Variants in COP1 observed in about 807,000 individuals in gnomAD.
COP1 encodes the protein COP1 E3 ubiquitin ligase.
In COP1, 24 loss-of-function variants were observed where a neutral mutation model predicts 101.3. The ratio of observed to expected loss-of-function variants is 0.24; its 90% CI spans 0.17 to 0.33. The LOEUF is 0.33. Ranked by LOEUF, COP1 falls within the 10% of genes least tolerant of loss-of-function variation. The pLI is 1.00. For synonymous variants in COP1, 347 were observed against 341.9 expected, an observed-to-expected ratio of 1.01 and a Z score of -0.17; for missense variants, 663 against 906.2, an observed-to-expected ratio of 0.73 and a Z score of 3.45.
chr1:176,110,168 C>A (rs1029623265), intron 9 of COP1, among the ~76,000 whole-genome samples: 3 of 152,064 alleles, frequency 2.0e-5, no homozygotes, highest in Non-Finnish European at 4.4e-5. Flanking sequence ...ACCAATTTTT[C>A]GAAATTCTCC....
At chr1:176,141,691 G>A (rs144690923) in intron 6 of COP1, among the ~76,000 whole-genome samples, 152 of 150,952 alleles carry the variant, frequency 1.0e-3, no homozygotes, top group Admixed American at 1.9e-3. Flanking sequence ...TGGCAGACCT[G>A]ATTAAAAGAC....
At chr1:176,099,505 G>GTCTCTCTCTCTCTC (rs145354415) in intron 9 of COP1, among the ~76,000 whole-genome samples, 105 of 143,900 alleles carry the variant, frequency 7.3e-4, no homozygotes, top group African/African-American at 2.4e-3. Context: ...GAGCATATTT[G>GTCTCTCTCTCTCTC]TCTCTCTCTC....
chr1:176,105,772 T>C (rs1684202425), intron 9 of COP1, among the ~76,000 whole-genome samples: 1 of 152,226 alleles, frequency 6.6e-6, no homozygotes, highest in African/African-American at 2.4e-5. Flanking sequence ...CAGCATTGTT[T>C]AGTAATAATA....
At chr1:176,124,077 T>C (rs992507469) in intron 8 of COP1, among the ~76,000 whole-genome samples, 14 of 152,306 alleles carry the variant, frequency 9.2e-5, no homozygotes, top group African/African-American at 3.4e-4. Flanking sequence ...ACTTTTATCA[T>C]CATCATCAAG....
chr1:176,181,169 A>C (rs764902033), intron 2 of COP1, among the ~76,000 whole-genome samples: 1 of 152,186 alleles, frequency 6.6e-6, no homozygotes, highest in Non-Finnish European at 1.5e-5. Flanking sequence ...AGTTCCTGCT[A>C]TATTGTCTCC....
intron 15 of COP1, among the ~76,000 whole-genome samples, chr1:176,010,390 T>G (rs927706070): frequency 3.3e-5 from 5 of 152,240 alleles, no homozygotes; most frequent in Non-Finnish European, 7.3e-5. Flanking sequence ...GAATATTTAT[T>G]AAGTTTTTAC....
intron 15 of COP1, among the ~76,000 whole-genome samples, chr1:176,005,446 G>A (rs1210610680): frequency 6.6e-6 from 1 of 151,816 alleles, no homozygotes; most frequent in East Asian, 1.9e-4. Context: ...GTGATGTTAG[G>A]GTGTCAATTT....
intron 1 of COP1, among the ~76,000 whole-genome samples, chr1:176,192,991 C>T (rs1009482187): frequency 6.6e-6 from 1 of 152,198 alleles, no homozygotes; most frequent in Non-Finnish European, 1.5e-5. Flanking sequence ...AACCTAAACA[C>T]TGTATATTGC....
At chr1:176,198,095 TA>T (rs1433206005) in intron 1 of COP1, among the ~76,000 whole-genome samples, 1 of 152,134 alleles carries the variant, frequency 6.6e-6, no homozygotes, top group Non-Finnish European at 1.5e-5. Flanking sequence ...AGATTCAAAG[TA>T]ACCAACATTA....
chr1:176,197,346 C>G (rs1354602289), intron 1 of COP1, among the ~76,000 whole-genome samples: 1 of 152,090 alleles, frequency 6.6e-6, no homozygotes, highest in Non-Finnish European at 1.5e-5. Context: ...CCCAGAAGTT[C>G]GAGGATGCAG....
chr1:176,141,137 T>G (rs1690608720), intron 6 of COP1, among the ~76,000 whole-genome samples: 1 of 152,194 alleles, frequency 6.6e-6, no homozygotes, highest in African/African-American at 2.4e-5. Flanking sequence ...TTTGAATACA[T>G]TACATATAAT....
intron 3 of COP1, among the ~76,000 whole-genome samples, chr1:176,174,975 T>C (rs1351071456): frequency 6.6e-6 from 1 of 152,232 alleles, no homozygotes; most frequent in Non-Finnish European, 1.5e-5. Context: ...AGTTATTATT[T>C]CCGATCATTT....
intron 18 of COP1, among the ~76,000 whole-genome samples, chr1:175,960,331 A>G (rs1651185443): frequency 6.6e-6 from 1 of 152,208 alleles, no homozygotes; most frequent in South Asian, 2.1e-4. Flanking sequence ...CAGTCTCCAT[A>G]ACTATAAAAC....
intron 3 of COP1, among the ~76,000 whole-genome samples, chr1:176,165,281 C>T (rs2149967707): frequency 6.6e-6 from 1 of 150,970 alleles, no homozygotes; most frequent in African/African-American, 2.4e-5. Context: ...AGAAATGGGC[C>T]ATAATAGGCA....
chr1:176,041,651 C>G (rs77462811), intron 14 of COP1, among the ~76,000 whole-genome samples: 3 of 152,076 alleles, frequency 2.0e-5, no homozygotes, highest in East Asian at 1.9e-4. Context: ...CCACGCCCGG[C>G]CCCTGCTTGG....
At chr1:176,114,337 A>G (rs1348737251) in intron 9 of COP1, among the ~76,000 whole-genome samples, 1 of 152,188 alleles carries the variant, frequency 6.6e-6, no homozygotes, top group African/African-American at 2.4e-5. Context: ...ATTGTACATG[A>G]ATATAATACA....
intron 11 of COP1, among the ~76,000 whole-genome samples, chr1:176,056,663 T>C (rs1453756102): frequency 6.6e-6 from 1 of 152,198 alleles, no homozygotes; most frequent in Non-Finnish European, 1.5e-5. Context: ...TATAAAAATA[T>C]TTTCTTATTG....
intron 9 of COP1, among the ~76,000 whole-genome samples, chr1:176,088,110 G>A (rs1340732982): frequency 2.6e-5 from 4 of 152,198 alleles, no homozygotes; most frequent in Admixed American, 2.0e-4. Flanking sequence ...GTCATGGGGT[G>A]GGGGGATGGG....
At chr1:176,202,932 C>A (rs1700417760) in intron 1 of COP1, among the ~76,000 whole-genome samples, 16 of 152,136 alleles carry the variant, frequency 1.1e-4, no homozygotes, top group Admixed American at 8.5e-4. Flanking sequence ...TCATGAGCTC[C>A]TTAAGAAGAG....
Sources: allele counts gnomAD v4.1 joint callset (sites outside exome capture counted in the v4.1 genomes callset), GRCh38; gene constraint gnomAD v4.1.1; transcripts MANE v1.5; gene names NCBI Gene and HGNC (gene_info 2026-07-23, HGNC 2026-07-21).